SPOCK3: variants seen among roughly 807,000 people sequenced by gnomAD.
SPOCK3 encodes testican-3.
Under a neutral mutation model 56.6 loss-of-function variants are expected in SPOCK3, and 30 were observed. The observed-to-expected ratio is 0.53, with a 90% confidence interval of 0.40 to 0.72. The LOEUF (loss-of-function observed/expected upper bound fraction) is 0.72. SPOCK3 is among the 30% of genes least tolerant of loss of function. The pLI is 0.00. For missense variants in SPOCK3, 527 were observed against 530.0 expected (o/e 0.99, Z 0.06); for synonymous variants, 196 against 183.3 (o/e 1.07, Z -0.56).
At chr4:166,913,641 GT>G (rs1446253165) in intron 4 of SPOCK3, among the ~76,000 whole-genome samples, 1 of 151,898 alleles carries the variant, frequency 6.6e-6, no homozygotes, top group African/African-American at 2.4e-5. Context: ...TCATGAATAT[GT>G]CAAACCTACA....
intron 3 of SPOCK3, among the ~76,000 whole-genome samples, chr4:167,058,622 A>C (rs1237744553): frequency 2.0e-5 from 3 of 152,110 alleles, no homozygotes; most frequent in Non-Finnish European, 1.5e-5. Flanking sequence ...GCTACCAATG[A>C]CTTTCTTCAC....
chr4:167,047,120 T>C (rs1753806945), intron 3 of SPOCK3, among the ~76,000 whole-genome samples: 1 of 152,312 alleles, frequency 6.6e-6, no homozygotes, highest in Middle Eastern at 3.4e-3. Flanking sequence ...CAGGCATTTC[T>C]GAAGATAAGT....
chr4:167,183,796 C>A (rs900817414), intron 2 of SPOCK3, among the ~76,000 whole-genome samples: 1 of 152,134 alleles, frequency 6.6e-6, no homozygotes, highest in Non-Finnish European at 1.5e-5. Flanking sequence ...ACTATGAGAA[C>A]AATGACAGCA....
At chr4:167,113,701 C>T (rs955177946) in intron 2 of SPOCK3, among the ~76,000 whole-genome samples, 6 of 152,102 alleles carry the variant, frequency 3.9e-5, no homozygotes, top group South Asian at 2.1e-4. Context: ...CATAGGCCTA[C>T]GGTACAAGAA....
At chr4:167,212,386 C>T (rs114449290) in intron 2 of SPOCK3, among the ~76,000 whole-genome samples, 4,600 of 151,950 alleles carry the variant, frequency 0.03, 85 homozygotes, top group Admixed American at 0.069. Flanking sequence ...GGATTACAGG[C>T]GCCCAGCACC....
chr4:166,954,280 C>T (rs1175708263), intron 4 of SPOCK3, among the ~76,000 whole-genome samples: 1 of 152,016 alleles, frequency 6.6e-6, no homozygotes, highest in Non-Finnish European at 1.5e-5. Context: ...TAATTGTTTC[C>T]TTGCTGTACA....
intron 6 of SPOCK3, among the ~76,000 whole-genome samples, chr4:166,803,195 A>T (rs1742802333): frequency 6.6e-6 from 1 of 152,216 alleles, no homozygotes; most frequent in South Asian, 2.1e-4. Flanking sequence ...AGTCCTCAGC[A>T]TTGCTATAAA....
chr4:166,752,594 A>C (rs1736561847), intron 8 of SPOCK3, among the ~76,000 whole-genome samples: 1 of 151,064 alleles, frequency 6.6e-6, no homozygotes, highest in African/African-American at 2.4e-5. Flanking sequence ...ACACACACAC[A>C]CACACACACA....
At chr4:166,857,185 T>G (rs1730780184) in intron 6 of SPOCK3, among the ~76,000 whole-genome samples, 1 of 152,210 alleles carries the variant, frequency 6.6e-6, no homozygotes, top group Admixed American at 6.5e-5. Flanking sequence ...AGTGGTAGTT[T>G]CTCTCTGTTT....
intron 4 of SPOCK3, among the ~76,000 whole-genome samples, chr4:166,976,901 ATT>A (rs1002537890): frequency 5.9e-5 from 9 of 151,664 alleles, no homozygotes; most frequent in Admixed American, 4.6e-4. Flanking sequence ...AATTGTATTT[ATT>A]TTATTATACC....
chr4:166,962,546 T>G (rs1376914732), intron 4 of SPOCK3, among the ~76,000 whole-genome samples: 2 of 152,086 alleles, frequency 1.3e-5, no homozygotes, highest in Non-Finnish European at 2.9e-5. Flanking sequence ...AATGAAATAT[T>G]TTAGAGAGGA....
Position 166,733,950 on chromosome 4 carries a change from A to G in SPOCK3, c.*971T>C, listed in dbSNP as rs1185685609. On this transcript the variant is annotated 3_prime_UTR_variant, in exon 11 of 11. Transcript: ENST00000357545. Reference sequence around the variant, plus strand: ...TCTATCTCTATTTTTGCAAGGCACCATACAATAAGTTCTCTAAGTTTCCAC... The same window carrying G: ...TCTATCTCTATTTTTGCAAGGCACCGTACAATAAGTTCTCTAAGTTTCCAC... 6.6e-6 allele frequency: 1 copy of G among 152,262 alleles called. No homozygotes were observed. The highest frequency in any genetic ancestry group is 1.5e-5 in the Non-Finnish European group (1 of 67,778). 9.4% of individuals were successfully genotyped at this position (152,262 alleles called of 1,614,324 possible).
chr4:167,144,486 G>A (rs143631157), intron 2 of SPOCK3, among the ~76,000 whole-genome samples: 186 of 151,696 alleles, frequency 1.2e-3, no homozygotes, highest in African/African-American at 4.3e-3. Flanking sequence ...TTTTTAATAA[G>A]CATCTACTAT....
chr4:167,000,297 T>A, intron 4 of SPOCK3, 52 bp downstream of exon 4: 1 of 862,764 alleles, frequency 1.2e-6, no homozygotes, highest in Admixed American at 2.4e-5. Context: ...CTGCAGTTAT[T>A]CCTGGTAAGG....
chr4:167,089,948 T>C (rs531762895), intron 2 of SPOCK3, among the ~76,000 whole-genome samples: 31 of 56,840 alleles, frequency 5.5e-4, no homozygotes, highest in Admixed American at 1.8e-3. Context: ...TGTGGTAATG[T>C]TCAGTAGTCT....
At chr4:167,060,111 C>A (rs983038930) in intron 3 of SPOCK3, among the ~76,000 whole-genome samples, 30 of 151,564 alleles carry the variant, frequency 2.0e-4, no homozygotes, top group African/African-American at 5.6e-4. Context: ...TGTAACTAAC[C>A]TGCACATTGT....
intron 6 of SPOCK3, among the ~76,000 whole-genome samples, chr4:166,879,110 A>AT (rs1256843670): frequency 1.3e-5 from 2 of 152,188 alleles, no homozygotes; most frequent in Non-Finnish European, 2.9e-5. Flanking sequence ...AATTAAAAAA[A>AT]ATATATATGC....
chr4:167,056,229 C>G (rs1754839846), intron 3 of SPOCK3, among the ~76,000 whole-genome samples: 1 of 152,250 alleles, frequency 6.6e-6, no homozygotes, highest in South Asian at 2.1e-4. Context: ...TCCAACAGAT[C>G]TGCAGCTGAG....
chr4:166,849,151 G>C (rs1446983851), intron 6 of SPOCK3, among the ~76,000 whole-genome samples: 1 of 152,066 alleles, frequency 6.6e-6, no homozygotes, highest in Non-Finnish European at 1.5e-5. Context: ...CTTTCAAGTA[G>C]GTTAGAAAAA....
Sources: gnomAD v4.1 joint callset for allele counts (sites outside exome capture counted in the v4.1 genomes callset) on GRCh38, gnomAD v4.1.1 for gene constraint, MANE v1.5 for transcripts, NCBI Gene and HGNC (gene_info 2026-07-23, HGNC 2026-07-21) for gene names.